The following CRIM1 variants were observed in gnomAD, a reference collection of about 807,000 sequenced individuals.
CRIM1 encodes cysteine-rich motor neuron 1 protein.
A neutral mutation model predicts 116.4 loss-of-function variants in CRIM1; 32 were observed. The ratio of observed to expected loss-of-function variants is 0.27; its 90% CI spans 0.21 to 0.37. CRIM1 has a LOEUF of 0.37. CRIM1 is among the 10% of genes least tolerant of loss of function. The probability of loss-of-function intolerance (pLI) is 1.00; values close to 1 mark genes in which losing one functional copy is unlikely to be tolerated. For synonymous variants in CRIM1, 590 were observed against 509.2 expected, an observed-to-expected ratio of 1.16 and a Z score of -2.13; for missense variants, 1,331 against 1,354.8, an observed-to-expected ratio of 0.98 and a Z score of 0.28.
intron 1 of CRIM1, among the ~76,000 whole-genome samples, chr2:36,386,864 C>A (rs1240546762): frequency 1.3e-5 from 2 of 152,142 alleles, no homozygotes; most frequent in African/African-American, 4.8e-5. Flanking sequence ...GAGAAGTTTC[C>A]AGTGCAGATG....
At chr2:36,459,968 A>G (rs888077) in intron 4 of CRIM1, among the ~76,000 whole-genome samples, 108,516 of 152,014 alleles carry the variant, frequency 0.71, 40,059 homozygotes, top group South Asian at 0.83. Context: ...GAAAGCTTAA[A>G]TGTGTACTCA....
At chr2:36,476,019 T>C (rs1678948391) in intron 5 of CRIM1, among the ~76,000 whole-genome samples, 1 of 152,148 alleles carries the variant, frequency 6.6e-6, no homozygotes, top group African/African-American at 2.4e-5. Context: ...ATTTATAATA[T>C]ACTGATCTGT....
chr2:36,515,622 T>A (rs138967131), intron 11 of CRIM1, among the ~76,000 whole-genome samples: 2 of 152,372 alleles, frequency 1.3e-5, no homozygotes, highest in East Asian at 3.9e-4. Flanking sequence ...ATTTACTAAA[T>A]GATAGTGTCT....
At chr2:36,451,739 G>A (rs1009355182) in intron 4 of CRIM1, among the ~76,000 whole-genome samples, 4 of 152,176 alleles carry the variant, frequency 2.6e-5, no homozygotes, top group Non-Finnish European at 5.9e-5. Flanking sequence ...GGAGGATCAC[G>A]CAAGAGTCAG....
At chr2:36,417,588 A>AGC (rs2124840208) in intron 2 of CRIM1, among the ~76,000 whole-genome samples, 1 of 152,274 alleles carries the variant, frequency 6.6e-6, no homozygotes, top group South Asian at 2.1e-4. Flanking sequence ...AGGATCTTCA[A>AGC]AGCTAAAGAC....
chr2:36,510,116 C>T lies in CRIM1; in HGVS notation c.1635C>T (p.Asp545=). ...RPKKCRPIIC[D]KYCPLGLLKN... ...AGAAGTGCAGACCCATAATCTGTGA[C>T]AAGTATTGTCCACTTGGATTGCTGT... Residue 545 remains aspartate (D), a synonymous_variant, in exon 9 of 17, where the codon GAC becomes GAT. Transcript: ENST00000280527. 1.2e-6 allele frequency: 2 copies of T among 1,614,022 alleles called. No individual in the cohort carries two copies. The highest frequency in any genetic ancestry group is 1.7e-6 in the Non-Finnish European group (2 of 1,179,966).
chr2:36,503,718 T>C (rs1316591622), intron 8 of CRIM1, among the ~76,000 whole-genome samples: 1 of 152,186 alleles, frequency 6.6e-6, no homozygotes. Context: ...TAGGTTGTTT[T>C]TTTTCTATTG....
chr2:36,445,820 G>A (rs1241227304), intron 4 of CRIM1, among the ~76,000 whole-genome samples: 1 of 152,060 alleles, frequency 6.6e-6, no homozygotes, highest in Non-Finnish European at 1.5e-5. Flanking sequence ...AATAATGGTA[G>A]TATTTTAAGA....
At chr2:36,443,295 G>C (rs1676001251) in intron 4 of CRIM1, among the ~76,000 whole-genome samples, 1 of 152,204 alleles carries the variant, frequency 6.6e-6, no homozygotes, top group Non-Finnish European at 1.5e-5. Flanking sequence ...AGCAGGGCAT[G>C]CACTTAGCCC....
At chr2:36,536,640 G>A (rs928976332) in intron 13 of CRIM1, among the ~76,000 whole-genome samples, 7 of 152,128 alleles carry the variant, frequency 4.6e-5, no homozygotes, top group Non-Finnish European at 8.8e-5. Flanking sequence ...AGGAAAAGGC[G>A]TTGAGTCCCA....
rs142291323 is a variant in CRIM1 at position 36,510,152 on chromosome 2, T to C, written c.1658+13T>C. 337 of 1,607,584 alleles carry C rather than the reference T, an allele frequency of 2.1e-4. 4 individuals carry two copies. The East Asian group carries it at 7.3e-3, about 35-fold the overall frequency. ...CACTTGGATTGCTGTACGTATTTGT[T>C]AATTCAGAAAAGCTATTATGAAGTG... is the stretch of plus-strand genomic sequence containing the variant. On this transcript the variant is annotated intron_variant, in intron 9 of 16. Transcript: ENST00000280527.
At chr2:36,522,817 AAGAAG>A (rs1665494922) in intron 13 of CRIM1, among the ~76,000 whole-genome samples, 5 of 140,818 alleles carry the variant, frequency 3.6e-5, no homozygotes, top group Admixed American at 3.5e-4. Context: ...AAAAAAAAAG[AAGAAG>A]AAGAAGAAGG....
intron 1 of CRIM1, among the ~76,000 whole-genome samples, chr2:36,374,975 G>A (rs926714766): frequency 3.3e-5 from 5 of 151,662 alleles, no homozygotes; most frequent in African/African-American, 1.2e-4. Flanking sequence ...CAGCTCTCCA[G>A]GTAGAGACAT....
chr2:36,449,238 T>A (rs1474705622), intron 4 of CRIM1, among the ~76,000 whole-genome samples: 1 of 152,122 alleles, frequency 6.6e-6, no homozygotes, highest in Non-Finnish European at 1.5e-5. Flanking sequence ...TGTATCACTC[T>A]CCTGTTTCAT....
intron 2 of CRIM1, among the ~76,000 whole-genome samples, chr2:36,422,851 CTTAA>C (rs1051970815): frequency 5.9e-5 from 9 of 152,112 alleles, no homozygotes; most frequent in Non-Finnish European, 4.4e-5. Flanking sequence ...AATTTGCTTT[CTTAA>C]TTCTAGTCCA....
intron 2 of CRIM1, among the ~76,000 whole-genome samples, chr2:36,429,840 C>T (rs191824721): frequency 6.6e-6 from 1 of 152,264 alleles, no homozygotes; most frequent in Non-Finnish European, 1.5e-5. Flanking sequence ...AACCAGTGGT[C>T]TAAAGAGTGT....
At chr2:36,407,678 G>A (rs933980840) in intron 2 of CRIM1, among the ~76,000 whole-genome samples, 3 of 148,292 alleles carry the variant, frequency 2.0e-5, no homozygotes, top group African/African-American at 7.5e-5. Flanking sequence ...GCGACCTTCT[G>A]GTTGTTGTGA....
chr2:36,442,523 T>C, intron 3 of CRIM1, 92 bp from the exon 4 acceptor site: 3 of 1,500,338 alleles, frequency 2.0e-6, no homozygotes, highest in Non-Finnish European at 2.8e-6. Flanking sequence ...AAGGAGACTT[T>C]GGACATTTGT....
At chr2:36,362,075 T>TC (rs1242702301) in intron 1 of CRIM1, among the ~76,000 whole-genome samples, 2 of 152,084 alleles carry the variant, frequency 1.3e-5, no homozygotes, top group Admixed American at 1.3e-4. Context: ...CGGGGACCTC[T>TC]CCAACATATT....
Sources: allele counts gnomAD v4.1 joint callset (sites outside exome capture counted in the v4.1 genomes callset), GRCh38; gene constraint gnomAD v4.1.1; transcripts MANE v1.5; gene names NCBI Gene and HGNC (gene_info 2026-07-23, HGNC 2026-07-21).